AGAP1: variants seen among roughly 807,000 people sequenced by gnomAD.
The protein encoded by AGAP1 is ArfGAP with GTPase domain, ankyrin repeat and PH domain 1, also known as arf-GAP with GTPase, ANK repeat and PH domain-containing protein 1.
A neutral mutation model predicts 105.3 loss-of-function variants in AGAP1; 29 were observed. The observed-to-expected ratio is 0.28, with a 90% confidence interval of 0.21 to 0.38. The LOEUF (loss-of-function observed/expected upper bound fraction) is 0.38, where lower values mean the gene tolerates loss of function less well. Among genes scored for constraint, AGAP1 ranks in the 10% least tolerant of loss-of-function variants. AGAP1 has a pLI of 1.00. For missense variants in AGAP1, 998 were observed against 1,165.1 expected (o/e 0.86, Z 2.09); for synonymous variants, 509 against 485.9 (o/e 1.05, Z -0.63).
At chr2:236,017,918 T>C (rs886190981) in intron 13 of AGAP1, among the ~76,000 whole-genome samples, 5 of 152,104 alleles carry the variant, frequency 3.3e-5, no homozygotes, top group South Asian at 2.1e-4. Flanking sequence ...TGTGCCCAGA[T>C]CTCTTGACTG....
chr2:235,775,072 T>C (rs1193719742), intron 6 of AGAP1, among the ~76,000 whole-genome samples: 4 of 152,126 alleles, frequency 2.6e-5, no homozygotes, highest in African/African-American at 4.8e-5. Flanking sequence ...GCAAAAGGAC[T>C]GGGTGAACAG....
chr2:235,507,946 C>G (rs1407822753), intron 1 of AGAP1, among the ~76,000 whole-genome samples: 2 of 151,776 alleles, frequency 1.3e-5, no homozygotes, highest in Non-Finnish European at 2.9e-5. Context: ...TCAGTCCTTT[C>G]CCTCCCACCC....
intron 11 of AGAP1, among the ~76,000 whole-genome samples, chr2:235,929,520 A>G (rs921347163): frequency 6.6e-6 from 1 of 152,184 alleles, no homozygotes; most frequent in African/African-American, 2.4e-5. Context: ...TTTTTAAGGC[A>G]GAACTCTATT....
At chr2:235,755,177 G>A (rs113194632) in intron 6 of AGAP1, among the ~76,000 whole-genome samples, 2 of 152,176 alleles carry the variant, frequency 1.3e-5, no homozygotes, top group Non-Finnish European at 2.9e-5. Flanking sequence ...CAGGGCTCTC[G>A]TTCCTAGATT....
chr2:235,730,804 C>T (rs917249842), intron 3 of AGAP1, among the ~76,000 whole-genome samples: 2 of 152,092 alleles, frequency 1.3e-5, no homozygotes, highest in African/African-American at 2.4e-5. Context: ...TGGTGGGTAT[C>T]GGAAGATTTT....
intron 12 of AGAP1, among the ~76,000 whole-genome samples, chr2:235,943,984 T>G (rs544984208): frequency 2.6e-5 from 4 of 152,358 alleles, no homozygotes; most frequent in African/African-American, 7.2e-5. Context: ...AAAAATTTTA[T>G]ATCACACAGA....
intron 16 of AGAP1, among the ~76,000 whole-genome samples, chr2:236,069,030 G>A (rs2058427187): frequency 6.6e-6 from 1 of 151,598 alleles, no homozygotes; most frequent in Admixed American, 6.6e-5. Flanking sequence ...GGGAGGCTGA[G>A]GCAGAAGAAT....
chr2:235,825,864 A>T (rs1959033847), intron 9 of AGAP1, among the ~76,000 whole-genome samples: 1 of 152,226 alleles, frequency 6.6e-6, no homozygotes, highest in African/African-American at 2.4e-5. Flanking sequence ...AAAGAGTGTC[A>T]TTGGATTGTT....
intron 11 of AGAP1, among the ~76,000 whole-genome samples, chr2:235,909,570 C>A (rs748485758): frequency 6.6e-6 from 1 of 152,164 alleles, no homozygotes; most frequent in South Asian, 2.1e-4. Context: ...CCCATGTCTG[C>A]TCATCAGAGA....
In AGAP1 at chr2:235,993,127, A is replaced by T. The variant is rs60426826; in HGVS notation, c.1645+24504A>T. Among the ~76,000 whole-genome samples the T allele has an allele frequency of 0.016, 2,373 of 152,308 alleles. 62 individuals are homozygous for T. Among genetic ancestry groups the T allele is most frequent in the African/African-American group, 0.054 (2,263 of 41,554 alleles). On this transcript the variant is annotated intron_variant, in intron 13 of 17. Transcript: ENST00000304032. This position sits in a 1 kb window ranked among gnomAD's most constrained non-coding sequence, Gnocchi z 5.0. ...ATGGAGTTGTGCTTCCTAAGTATTG[A>T]TAGCGGCGTATATATAGGATTCCCA...
chr2:235,838,824 C>G (rs1960472586), intron 9 of AGAP1, among the ~76,000 whole-genome samples: 2 of 152,208 alleles, frequency 1.3e-5, no homozygotes, highest in Admixed American at 6.5e-5. Context: ...GAAAGCCTCT[C>G]TCTCTGACCC....
At chr2:235,597,163 C>T (rs1299831523) in intron 1 of AGAP1, among the ~76,000 whole-genome samples, 1 of 152,220 alleles carries the variant, frequency 6.6e-6, no homozygotes, top group Non-Finnish European at 1.5e-5. Flanking sequence ...AAAGATGCCC[C>T]TTCAACCACC....
chr2:235,952,355 T>TAA (rs541051208), intron 12 of AGAP1, among the ~76,000 whole-genome samples: 68 of 149,794 alleles, frequency 4.5e-4, no homozygotes, highest in African/African-American at 1.6e-3. Flanking sequence ...ACATAGGTTT[T>TAA]AAAAAAAAAA....
chr2:236,110,129 C>T (rs1202291663), intron 16 of AGAP1, among the ~76,000 whole-genome samples: 2 of 152,200 alleles, frequency 1.3e-5, no homozygotes, highest in African/African-American at 4.8e-5. Context: ...CTGACCTTCT[C>T]CTCTAAGATG....
intron 16 of AGAP1, among the ~76,000 whole-genome samples, chr2:236,106,046 A>G (rs2059482395): frequency 6.6e-6 from 1 of 152,224 alleles, no homozygotes; most frequent in African/African-American, 2.4e-5. Flanking sequence ...CACACACACC[A>G]GTGCTCCTGT....
intron 1 of AGAP1, among the ~76,000 whole-genome samples, chr2:235,703,888 G>T (rs1023401383): frequency 2.0e-5 from 3 of 152,248 alleles, no homozygotes; most frequent in Admixed American, 2.0e-4. Flanking sequence ...CTGCCTGCAG[G>T]CTAGTCTTGA....
intron 1 of AGAP1, among the ~76,000 whole-genome samples, chr2:235,683,518 T>C (rs1310185052): frequency 2.7e-5 from 4 of 150,580 alleles, no homozygotes; most frequent in East Asian, 1.9e-4. Context: ...ATAAAACTTA[T>C]AGATTATAAA....
rs540729753 is a variant in AGAP1, at chr2:235,993,433, G to A, written c.1645+24810G>A. Among the ~76,000 whole-genome samples the A allele has an allele frequency of 1.3e-5, 2 of 152,192 alleles. No homozygotes were observed. Among genetic ancestry groups the A allele is most frequent in the Non-Finnish European group, 2.9e-5 (2 of 68,030 alleles). On this transcript the variant is annotated intron_variant, in intron 13 of 17. Transcript: ENST00000304032. This position sits in a 1 kb window ranked among gnomAD's most constrained non-coding sequence, Gnocchi z 5.0. ...AAGTCCAGCACAGTGTGTGCACGTG[G>A]TATGTCCCTGATGGAAACTGCTTCT...
rs983750070 is a variant in AGAP1 at position 235,959,010 on chromosome 2, G to A, written c.1484-9452G>A. On this transcript the variant is annotated intron_variant, in intron 12 of 17. Coordinates refer to ENST00000304032, the MANE Select transcript of AGAP1 (RefSeq NM_001037131.3). This position sits in a 1 kb window ranked among gnomAD's most constrained non-coding sequence, Gnocchi z 7.3. ...AACTAATGGCTGACATTGAATGTGCGGGATGGTGCCGGCCCATCCCGGCTC... is the reference window on the plus strand; with the variant it reads ...AACTAATGGCTGACATTGAATGTGCAGGATGGTGCCGGCCCATCCCGGCTC... Among the ~76,000 whole-genome samples, 6 of 152,158 alleles carry A rather than the reference G, an allele frequency of 3.9e-5. No homozygotes were observed. The highest frequency in any genetic ancestry group is 1.3e-4 in the Admixed American group (2 of 15,284).
Sources: allele counts gnomAD v4.1 joint callset (sites outside exome capture counted in the v4.1 genomes callset), GRCh38; gene constraint gnomAD v4.1.1; non-coding constraint Gnocchi (gnomAD v3.1); transcripts MANE v1.5; gene names NCBI Gene and HGNC (gene_info 2026-07-23, HGNC 2026-07-21).